PALS1: variants seen among roughly 807,000 people sequenced by gnomAD.
PALS1 encodes protein PALS1.
In PALS1, 31 loss-of-function variants were observed where a neutral mutation model predicts 78.9. The observed-to-expected ratio is 0.39, with a 90% CI of 0.30 to 0.53. The LOEUF (loss-of-function observed/expected upper bound fraction) is 0.53, where lower values mean the gene tolerates loss of function less well. Among genes scored for constraint, PALS1 ranks in the 20% least tolerant of loss-of-function variants. PALS1 has a pLI of 0.67. For missense variants in PALS1, 704 were observed against 826.5 expected, an observed-to-expected ratio of 0.85 and a Z score of 1.82; for synonymous variants, 276 against 270.9, an observed-to-expected ratio of 1.02 and a Z score of -0.18.
At position 67,248,969 on chromosome 14, in the gene PALS1, A is replaced by AT. The variant is rs575347308; in HGVS notation, c.-237+7447dup. On this transcript the variant is annotated intron_variant, in intron 1 of 14. Coordinates refer to ENST00000261681, the MANE Select transcript of PALS1 (RefSeq NM_022474.4). ...GCCACCACGCCTGGCCTACATACCA[A>AT]TTTTTTTTTTTGAGACCAAGTCTCA... Among the ~76,000 whole-genome samples, 44 of 143,704 alleles carry AT rather than the reference A, an allele frequency of 3.1e-4. 1 individual carries two copies. The highest frequency in any genetic ancestry group is 3.8e-3 in the Middle Eastern group (1 of 260). The allele number at this position is 143,704 out of a possible 152,430, so 94.3% of individuals were successfully genotyped here.
chr14:67,318,919 G>A (rs1445970709), intron 11 of PALS1, among the ~76,000 whole-genome samples: 1 of 152,102 alleles, frequency 6.6e-6, no homozygotes, highest in East Asian at 1.9e-4. Context: ...TTAGCCAGGC[G>A]TGATGGCGGG....
rs371974810 is a variant in PALS1 at position 67,320,384 on chromosome 14, A to C, written c.1524A>C (p.Ala508=). The change falls in exon 12 of 15, where the codon GCA becomes GCC. Residue 508 remains alanine (A), a synonymous_variant. Coordinates refer to ENST00000261681, the MANE Select transcript of PALS1 (RefSeq NM_022474.4). ...RLMNKEKDRF[A]SAVPHTTRSR... The stretch of plus-strand genomic sequence containing the variant: ...TGAACAAAGAAAAGGACCGCTTTGC[A>C]TCTGCAGTTCCTCGTAAGTTTGAAT... 1.3e-5 allele frequency: 21 copies of C among 1,606,740 alleles called. No individual in the cohort carries two copies. The African/African-American group carries it at 2.3e-4, about 17-fold the overall frequency.
chr14:67,297,820 A>G (rs1318508943), intron 4 of PALS1, among the ~76,000 whole-genome samples: 2 of 152,242 alleles, frequency 1.3e-5, no homozygotes, highest in Non-Finnish European at 2.9e-5. Flanking sequence ...CATTCTGCCA[A>G]TAGTCAGATA....
intron 1 of PALS1, among the ~76,000 whole-genome samples, chr14:67,266,328 A>G (rs2084322783): frequency 1.4e-5 from 2 of 145,000 alleles, no homozygotes; most frequent in Non-Finnish European, 2.9e-5. Context: ...GAGTAATTCA[A>G]ATATTTCAAT....
intron 3 of PALS1, among the ~76,000 whole-genome samples, chr14:67,288,063 A>C (rs2084717279): frequency 6.6e-6 from 1 of 152,074 alleles, no homozygotes; most frequent in African/African-American, 2.4e-5. Context: ...CAACACACTA[A>C]CAGCCAGGCT....
chr14:67,245,984 C>T (rs1476911060), intron 1 of PALS1, among the ~76,000 whole-genome samples: 2 of 151,898 alleles, frequency 1.3e-5, no homozygotes, highest in Non-Finnish European at 2.9e-5. Flanking sequence ...TGTCCAGTTC[C>T]ATGACCATTT....
At chr14:67,282,422 A>G (rs2084619726) in intron 3 of PALS1, among the ~76,000 whole-genome samples, 1 of 152,180 alleles carries the variant, frequency 6.6e-6, no homozygotes, top group Non-Finnish European at 1.5e-5. Flanking sequence ...TCTAAACAAT[A>G]CATCATCATT....
intron 13 of PALS1, 25 bp from the exon 14 acceptor site, chr14:67,323,677 T>TA (rs2085304570): frequency 9.0e-7 from 1 of 1,105,354 alleles, no homozygotes; most frequent in African/African-American, 1.6e-5. Context: ...CAAATTATTT[T>TA]AAAAATCAAA....
chr14:67,326,047 G>A (rs757341930), intron 14 of PALS1, among the ~76,000 whole-genome samples: 8 of 136,570 alleles, frequency 5.9e-5, no homozygotes, highest in African/African-American at 1.1e-4. Context: ...GGATGGTCTC[G>A]ATCTCGTGAC....
At chr14:67,265,225 G>A (rs569959901) in intron 1 of PALS1, among the ~76,000 whole-genome samples, 114 of 152,270 alleles carry the variant, frequency 7.5e-4, no homozygotes, top group South Asian at 4.8e-3. Context: ...TTTTAGAAAT[G>A]CCTTTTATTA....
chr14:67,302,926 T>C (rs1362004078), intron 7 of PALS1, among the ~76,000 whole-genome samples: 1 of 152,220 alleles, frequency 6.6e-6, no homozygotes, highest in Non-Finnish European at 1.5e-5. Flanking sequence ...GTTCTTTTAT[T>C]TTATTATCTG....
intron 1 of PALS1, among the ~76,000 whole-genome samples, chr14:67,269,391 G>A (rs1247440607): frequency 2.0e-5 from 3 of 152,108 alleles, no homozygotes; most frequent in African/African-American, 7.2e-5. Flanking sequence ...ATACCTAGGA[G>A]TAGAATCGCT....
intron 3 of PALS1, among the ~76,000 whole-genome samples, chr14:67,281,921 T>G (rs998215541): frequency 1.2e-4 from 19 of 152,186 alleles, no homozygotes; most frequent in Admixed American, 6.5e-5. Flanking sequence ...CTGTGGTTTT[T>G]AAAAGTACCT....
intron 1 of PALS1, among the ~76,000 whole-genome samples, chr14:67,269,005 G>A (rs1359471176): frequency 6.6e-6 from 1 of 152,128 alleles, no homozygotes; most frequent in Non-Finnish European, 1.5e-5. Context: ...AGAGAAACCT[G>A]CATGCCTTGG....
chr14:67,333,381 T>G lies in PALS1; in HGVS notation c.*425T>G, dbSNP rs2085479786. ...ACTTAAATGACTTCATTGGGAATAT[T>G]GAGCAGAGGGACTGTGCTTCTATGC... is the stretch of plus-strand genomic sequence containing the variant. On this transcript the variant is annotated 3_prime_UTR_variant, in exon 15 of 15. Coordinates refer to ENST00000261681, the MANE Select transcript of PALS1 (RefSeq NM_022474.4). 6.5e-6 allele frequency: 1 copy of G among 154,220 alleles called. No individual in the cohort carries two copies. Among genetic ancestry groups the G allele is most frequent in the Admixed American group, 6.5e-5 (1 of 15,482 alleles). 9.6% of individuals were successfully genotyped at this position (154,220 alleles called of 1,614,324 possible).
chr14:67,250,918 G>A (rs2084054318), intron 1 of PALS1, among the ~76,000 whole-genome samples: 1 of 151,978 alleles, frequency 6.6e-6, no homozygotes, highest in South Asian at 2.1e-4. Flanking sequence ...TGTATCCCTC[G>A]CTGTGTCTCT....
chr14:67,323,232 C>CATGTGTGTGTGTGTGTGTGT (rs57594216), intron 13 of PALS1, among the ~76,000 whole-genome samples: 6 of 143,620 alleles, frequency 4.2e-5, no homozygotes, highest in African/African-American at 1.6e-4. Context: ...CATATATACA[C>CATGTGTGTGTGTGTGTGTGT]GTGTGTGTGT....
At chr14:67,320,110 A>C in intron 11 of PALS1, 120 bp from the exon 12 acceptor site, 1 of 746,658 alleles carries the variant, frequency 1.3e-6, no homozygotes, top group Non-Finnish European at 2.0e-6. Context: ...ATACCCTAGC[A>C]AGGATGTAAT....
At chr14:67,330,341 G>A (rs537773313) in intron 14 of PALS1, among the ~76,000 whole-genome samples, 2 of 151,470 alleles carry the variant, frequency 1.3e-5, no homozygotes, top group South Asian at 4.2e-4. Flanking sequence ...CTTTTCAAAT[G>A]TAGGCATTTG....
Sources: allele counts gnomAD v4.1 joint callset (sites outside exome capture counted in the v4.1 genomes callset), GRCh38; gene constraint gnomAD v4.1.1; transcripts MANE v1.5; gene names NCBI Gene and HGNC (gene_info 2026-07-23, HGNC 2026-07-21).